Variants in IQCH observed in about 807,000 individuals in gnomAD.
IQCH encodes the protein IQ motif containing H.
In IQCH, 98 loss-of-function variants were observed where a neutral mutation model predicts 117.0. The observed-to-expected ratio is 0.84, with a 90% CI of 0.71 to 0.99. The LOEUF is 0.99. IQCH is among the 50% of genes least tolerant of loss of function. The pLI, the probability that IQCH is intolerant of heterozygous loss-of-function variation, is 0.00. For missense variants in IQCH, 1,102 were observed against 1,243.8 expected (o/e 0.89, Z 1.72); for synonymous variants, 412 against 448.2 (o/e 0.92, Z 1.02).
rs1160163778 is a variant in IQCH at position 67,454,323 on chromosome 15, A to C, written c.2506-10804A>C. Among the ~76,000 whole-genome samples the C allele has an allele frequency of 6.6e-6, 1 of 152,046 alleles. No individual in the cohort carries two copies. Among genetic ancestry groups the C allele is most frequent in the Non-Finnish European group, 1.5e-5 (1 of 68,008 alleles). ...AAATCACCCGTCTTCTGCGTCGCTC[A>C]CGCTGGGAGCTGTAGACCGGAGCTG... On this transcript the variant is annotated intron_variant, in intron 16 of 20. Coordinates refer to ENST00000335894, the MANE Select transcript of IQCH (RefSeq NM_001031715.3). This position sits in a 1 kb window ranked among gnomAD's most constrained non-coding sequence, Gnocchi z 5.2.
Position 67,364,596 on chromosome 15 carries a change from A to G in IQCH, c.753+4711A>G, listed in dbSNP as rs967115478. ...ATTATCAGCCAACAAGATAATCTGT[A>G]TTTTTTCACTTTATCTCTTTCATTG... is the stretch of plus-strand genomic sequence containing the variant. On this transcript the variant is annotated intron_variant, in intron 8 of 20. Coordinates refer to ENST00000335894, the MANE Select transcript of IQCH (RefSeq NM_001031715.3). The surrounding 1 kb of genome is among the most constrained non-coding windows in gnomAD (Gnocchi z 4.1). Among the ~76,000 whole-genome samples, 2 of 152,268 alleles carry G rather than the reference A, an allele frequency of 1.3e-5. No homozygotes were observed. The highest frequency in any genetic ancestry group is 2.1e-4 in the South Asian group (1 of 4,822).
rs1971271865 is a variant in IQCH at position 67,391,124 on chromosome 15, CTGGCTTCTAG to C, written c.1632+2122_1632+2131del. Among the ~76,000 whole-genome samples, 1 of 152,158 alleles carries C rather than the reference CTGGCTTCTAG, an allele frequency of 6.6e-6. No homozygotes were observed. The highest frequency in any genetic ancestry group is 1.5e-5 in the Non-Finnish European group (1 of 68,020). On this transcript the variant is annotated intron_variant, in intron 12 of 20. Coordinates refer to ENST00000335894, the MANE Select transcript of IQCH (RefSeq NM_001031715.3). This position sits in a 1 kb window ranked among gnomAD's most constrained non-coding sequence, Gnocchi z 4.3. ...AGAACCATACCCTTGCTAGTCCACT[CTGGCTTCTAG>C]TGGACTAGAAGCCAGGAGACAGGCA... is the stretch of plus-strand genomic sequence containing the variant.
chr15:67,450,783 G>C (rs1442020690), intron 16 of IQCH, among the ~76,000 whole-genome samples: 1 of 152,186 alleles, frequency 6.6e-6, no homozygotes, highest in African/African-American at 2.4e-5. Flanking sequence ...GATTGGAATA[G>C]TTTCAGAAGG....
intron 2 of IQCH, among the ~76,000 whole-genome samples, chr15:67,261,706 A>G (rs1965468516): frequency 6.6e-6 from 1 of 152,228 alleles, no homozygotes; most frequent in Non-Finnish European, 1.5e-5. Context: ...CAAAAGGCCA[A>G]GAAGCGATGA....
chr15:67,360,229 T>C, intron 8 of IQCH: 1 of 291,450 alleles, frequency 3.4e-6, no homozygotes, highest in South Asian at 5.3e-5. Context: ...AGAAATAAAA[T>C]GTGAAAAATA....
chr15:67,488,777 A>G (rs1015432619), intron 18 of IQCH, among the ~76,000 whole-genome samples: 2 of 152,136 alleles, frequency 1.3e-5, no homozygotes, highest in African/African-American at 2.4e-5. Context: ...ACAGTTAACA[A>G]TAGGTTTCCC....
intron 3 of IQCH, among the ~76,000 whole-genome samples, chr15:67,263,710 G>A (rs190304181): frequency 6.6e-6 from 1 of 152,112 alleles, no homozygotes; most frequent in Non-Finnish European, 1.5e-5. Flanking sequence ...AGATCACCTG[G>A]TACTTTATGG....
At chr15:67,419,518 T>C (rs1165375499) in intron 15 of IQCH, among the ~76,000 whole-genome samples, 2 of 152,188 alleles carry the variant, frequency 1.3e-5, no homozygotes, top group African/African-American at 4.8e-5. Flanking sequence ...GATTTCTAAA[T>C]TGTCATAGGA....
At chr15:67,261,132 T>C (rs1477439094) in intron 1 of IQCH, 140 bp from the exon 2 acceptor site, 1 of 466,514 alleles carries the variant, frequency 2.1e-6, no homozygotes, top group Non-Finnish European at 3.7e-6. Context: ...ACCGTAAAAG[T>C]GGTCCTTTTC....
rs1289159740 is a variant in IQCH, at chr15:67,453,678, C to T, written c.2506-11449C>T. ...GTTAGGCTACTCAGGGGTCAGGGACCCACTTGAGGAGGCAGTCTGCCCGTT... is the reference window on the plus strand; with the variant it reads ...GTTAGGCTACTCAGGGGTCAGGGACTCACTTGAGGAGGCAGTCTGCCCGTT... On this transcript the variant is annotated intron_variant, in intron 16 of 20. Transcript: ENST00000335894. This position sits in a 1 kb window ranked among gnomAD's most constrained non-coding sequence, Gnocchi z 5.8. 6.6e-6 allele frequency among the ~76,000 whole-genome samples: 1 copy of T among 152,156 alleles called. No individual in the cohort carries two copies.
chr15:67,326,754 T>C (rs1327796951), intron 4 of IQCH, among the ~76,000 whole-genome samples: 1 of 152,248 alleles, frequency 6.6e-6, no homozygotes, highest in Non-Finnish European at 1.5e-5. Context: ...AAAACAACAA[T>C]TTTCAGATGA....
At chr15:67,320,711 A>G (rs1202012324) in intron 4 of IQCH, among the ~76,000 whole-genome samples, 1 of 152,194 alleles carries the variant, frequency 6.6e-6, no homozygotes, top group African/African-American at 2.4e-5. Flanking sequence ...ATGGGCTCCT[A>G]TTAACAAATT....
rs374472720 is a variant in IQCH, at chr15:67,496,621, G to A, written c.2970+2255G>A. The stretch of plus-strand genomic sequence containing the variant: ...GCACTTTGGGAGGCCAAGGTGGGAG[G>A]ATTACTTGCACTCAGGAGTTTGAGA... On this transcript the variant is annotated intron_variant, in intron 20 of 20. Transcript: ENST00000335894. The surrounding 1 kb of genome is among the most constrained non-coding windows in gnomAD (Gnocchi z 4.4). Among the ~76,000 whole-genome samples, 3 of 152,254 alleles carry A rather than the reference G, an allele frequency of 2.0e-5. No individual in the cohort carries two copies. Among genetic ancestry groups the A allele is most frequent in the East Asian group, 1.9e-4 (1 of 5,174 alleles).
rs1278793514 is a variant in IQCH, at chr15:67,466,012, G to A, written c.2676+715G>A. ...CTGAGCATGTTGTTCCCCTGTGTGTGATTTTGAATGGACTCCTGTGATCTT... is the reference window on the plus strand; with the variant it reads ...CTGAGCATGTTGTTCCCCTGTGTGTAATTTTGAATGGACTCCTGTGATCTT... On this transcript the variant is annotated intron_variant, in intron 17 of 20. Transcript: ENST00000335894. This position sits in a 1 kb window ranked among gnomAD's most constrained non-coding sequence, Gnocchi z 4.4. Among the ~76,000 whole-genome samples the A allele has an allele frequency of 5.3e-5, 8 of 152,224 alleles. No individual in the cohort carries two copies. Among genetic ancestry groups the A allele is most frequent in the Admixed American group, 5.2e-4 (8 of 15,288 alleles).
chr15:67,348,268 AAG>A (rs1021669331), intron 6 of IQCH, among the ~76,000 whole-genome samples: 1 of 152,080 alleles, frequency 6.6e-6, no homozygotes, highest in Non-Finnish European at 1.5e-5. Context: ...AGGTAAGAAA[AAG>A]AAACAAAAGA....
At chr15:67,284,771 C>T (rs1966497313) in intron 4 of IQCH, among the ~76,000 whole-genome samples, 1 of 152,122 alleles carries the variant, frequency 6.6e-6, no homozygotes, top group South Asian at 2.1e-4. Context: ...ATTCATGTCC[C>T]TGCAAAATAC....
chr15:67,258,234 C>CAA (rs550150022), intron 1 of IQCH, among the ~76,000 whole-genome samples: 6 of 79,680 alleles, frequency 7.5e-5, no homozygotes, highest in African/African-American at 2.5e-4. Context: ...GACTCTGTGT[C>CAA]AAAAAAAAAA....
chr15:67,471,266 T>A (rs1372929512), intron 17 of IQCH, among the ~76,000 whole-genome samples: 17 of 144,790 alleles, frequency 1.2e-4, no homozygotes, highest in Admixed American at 4.3e-4. Flanking sequence ...AAAATTAAAA[T>A]TTTTAATTTC....
In IQCH at chr15:67,416,441, C is replaced by T. The variant is rs192311743; in HGVS notation, c.2098-490C>T. 1.6e-3 allele frequency among the ~76,000 whole-genome samples: 245 copies of T among 151,702 alleles called. 1 individual carries two copies. Among genetic ancestry groups the T allele is most frequent in the African/African-American group, 5.5e-3 (227 of 41,332 alleles). The stretch of plus-strand genomic sequence containing the variant: ...CTGAGGCAGGAGAATCACTTGAACC[C>T]GGGAGGCAGAGGTTGCAGTGAGCCA... On this transcript the variant is annotated intron_variant, in intron 14 of 20. Coordinates refer to ENST00000335894, the MANE Select transcript of IQCH (RefSeq NM_001031715.3). This position sits in a 1 kb window ranked among gnomAD's most constrained non-coding sequence, Gnocchi z 5.1.
Sources: gnomAD v4.1 joint callset for allele counts (sites outside exome capture counted in the v4.1 genomes callset) on GRCh38, gnomAD v4.1.1 for gene constraint, Gnocchi (gnomAD v3.1) non-coding constraint, MANE v1.5 for transcripts, NCBI Gene and HGNC (gene_info 2026-07-23, HGNC 2026-07-21) for gene names.